Variants in CNTN5 observed in about 807,000 individuals in gnomAD.
CNTN5 encodes the protein contactin 5.
A neutral mutation model predicts 129.1 loss-of-function variants in CNTN5; 77 were observed. The observed-to-expected ratio is 0.60, with a 90% CI of 0.50 to 0.72. The LOEUF is 0.72. Ranked by LOEUF, CNTN5 falls within the 30% of genes least tolerant of loss-of-function variation. The pLI is 0.00. For missense variants in CNTN5, 1,478 were observed against 1,328.8 expected, an observed-to-expected ratio of 1.11 and a Z score of -1.75; for synonymous variants, 509 against 465.6, an observed-to-expected ratio of 1.09 and a Z score of -1.20.
chr11:99,745,133 G>C (rs1219258387), intron 3 of CNTN5, among the ~76,000 whole-genome samples: 1 of 152,052 alleles, frequency 6.6e-6, no homozygotes, highest in Non-Finnish European at 1.5e-5. Context: ...ATATGTTCTT[G>C]GTTTGGAAAC....
chr11:99,767,644 A>G (rs1225917331), intron 3 of CNTN5, among the ~76,000 whole-genome samples: 7 of 149,004 alleles, frequency 4.7e-5, no homozygotes, highest in Non-Finnish European at 8.9e-5. Flanking sequence ...AAAAAAACCC[A>G]TCAGATCAAG....
intron 2 of CNTN5, among the ~76,000 whole-genome samples, chr11:99,541,313 T>C (rs1326034192): frequency 2.0e-5 from 3 of 152,244 alleles, no homozygotes; most frequent in Admixed American, 2.0e-4. Context: ...TTCTAACACA[T>C]GATCTCCTTG....
intron 3 of CNTN5, among the ~76,000 whole-genome samples, chr11:99,813,109 C>G (rs1946479403): frequency 6.6e-6 from 1 of 152,004 alleles, no homozygotes; most frequent in Admixed American, 6.6e-5. Context: ...ATCACCTGTT[C>G]CTAACCCATC....
At chr11:100,332,004 G>A (rs905269361) in intron 21 of CNTN5, among the ~76,000 whole-genome samples, 2 of 151,614 alleles carry the variant, frequency 1.3e-5, no homozygotes, top group Non-Finnish European at 2.9e-5. Context: ...AAATAAAATT[G>A]AAACAAAAAA....
intron 3 of CNTN5, among the ~76,000 whole-genome samples, chr11:99,579,514 G>A (rs1038600658): frequency 1.3e-5 from 2 of 149,616 alleles, no homozygotes; most frequent in African/African-American, 2.5e-5. Flanking sequence ...ATTGAGCAGT[G>A]GTTTGTAGTC....
intron 2 of CNTN5, among the ~76,000 whole-genome samples, chr11:99,398,524 T>C (rs1411204667): frequency 6.6e-6 from 1 of 151,958 alleles, no homozygotes; most frequent in Non-Finnish European, 1.5e-5. Context: ...TGTTCCAGCC[T>C]GTTCTCAAAA....
chr11:99,459,770 G>A (rs1455493184), intron 2 of CNTN5, among the ~76,000 whole-genome samples: 1 of 152,010 alleles, frequency 6.6e-6, no homozygotes, highest in Admixed American at 6.6e-5. Flanking sequence ...TATTTACAAT[G>A]GCAATGTGTC....
chr11:99,042,923 C>T (rs1349180625), intron 1 of CNTN5, among the ~76,000 whole-genome samples: 2 of 152,048 alleles, frequency 1.3e-5, no homozygotes, highest in Non-Finnish European at 2.9e-5. Flanking sequence ...CATACATTTA[C>T]ATTTTAATTT....
intron 1 of CNTN5, among the ~76,000 whole-genome samples, chr11:99,264,634 A>G (rs1211185119): frequency 6.6e-6 from 1 of 152,126 alleles, no homozygotes; most frequent in African/African-American, 2.4e-5. Context: ...ACCTTCCTTT[A>G]GAATTTGTTC....
In CNTN5 at chr11:100,326,536, G is replaced by A. The variant is rs556204240; in HGVS notation, c.2731-13927G>A. On this transcript the variant is annotated intron_variant, in intron 21 of 24. Coordinates refer to ENST00000524871, the MANE Select transcript of CNTN5 (RefSeq NM_014361.4). ...CCACCATGCCCCTAGTTTAAGCTAC[G>A]CTCATTTCTGACCAAGACTCCAGCA... Among the ~76,000 whole-genome samples the A allele has an allele frequency of 5.3e-5, 8 of 152,110 alleles. No individual in the cohort carries two copies. The South Asian group carries it at 6.2e-4, about 12-fold the overall frequency.
chr11:99,808,731 A>T (rs1164929929), intron 3 of CNTN5, among the ~76,000 whole-genome samples: 1 of 152,176 alleles, frequency 6.6e-6, no homozygotes, highest in African/African-American at 2.4e-5. Context: ...AGAAATCGCC[A>T]AAGCTCGATT....
intron 2 of CNTN5, among the ~76,000 whole-genome samples, chr11:99,454,540 T>C (rs961870344): frequency 1.3e-5 from 2 of 152,136 alleles, no homozygotes; most frequent in African/African-American, 4.8e-5. Context: ...ACCATGATTG[T>C]TAAGTTTCCT....
At chr11:99,904,621 T>C (rs551369814) in intron 6 of CNTN5, among the ~76,000 whole-genome samples, 1 of 152,254 alleles carries the variant, frequency 6.6e-6, no homozygotes, top group African/African-American at 2.4e-5. Context: ...TGTGTCTTTA[T>C]AGTAGAATGA....
chr11:99,782,685 C>A (rs1296081086), intron 3 of CNTN5, among the ~76,000 whole-genome samples: 4 of 152,000 alleles, frequency 2.6e-5, no homozygotes, highest in Non-Finnish European at 5.9e-5. Flanking sequence ...ATATCCACAA[C>A]TATCTGATCT....
chr11:100,317,049 T>C (rs1271904132), intron 21 of CNTN5, among the ~76,000 whole-genome samples: 1 of 152,228 alleles, frequency 6.6e-6, no homozygotes, highest in Non-Finnish European at 1.5e-5. Context: ...CAGAAGTTCA[T>C]TTTAGACATG....
chr11:99,276,030 A>G (rs1863411405), intron 1 of CNTN5, among the ~76,000 whole-genome samples: 3 of 151,674 alleles, frequency 2.0e-5, no homozygotes, highest in Non-Finnish European at 4.4e-5. Flanking sequence ...AGCCCAACTT[A>G]TAAATTCCAG....
chr11:99,317,929 T>C (rs1042290285), intron 1 of CNTN5, among the ~76,000 whole-genome samples: 3 of 152,160 alleles, frequency 2.0e-5, no homozygotes, highest in Non-Finnish European at 2.9e-5. Context: ...AACTGGGTTG[T>C]CTCCACATGC....
intron 21 of CNTN5, among the ~76,000 whole-genome samples, chr11:100,319,595 C>A (rs988707296): frequency 7.2e-5 from 11 of 152,130 alleles, no homozygotes; most frequent in African/African-American, 2.4e-4. Flanking sequence ...GTGAGAAAAT[C>A]CACTCTCAGC....
intron 13 of CNTN5, among the ~76,000 whole-genome samples, chr11:100,080,941 T>C (rs1448271298): frequency 6.6e-6 from 1 of 152,156 alleles, no homozygotes; most frequent in African/African-American, 2.4e-5. Context: ...ATTTAGTAAC[T>C]ATAAACTGCT....
Sources: gnomAD v4.1 joint callset for allele counts (sites outside exome capture counted in the v4.1 genomes callset) on GRCh38, gnomAD v4.1.1 for gene constraint, MANE v1.5 for transcripts, NCBI Gene and HGNC (gene_info 2026-07-23, HGNC 2026-07-21) for gene names.